SRD5A2: variants seen among roughly 807,000 people sequenced by gnomAD.
SRD5A2 encodes the protein 3-oxo-5-alpha-steroid 4-dehydrogenase 2.
SRD5A2 carries 30 observed loss-of-function variants against 27.4 expected under a neutral mutation model. The ratio of observed to expected loss-of-function variants is 1.10; its 90% CI spans 0.82 to 1.49. The LOEUF (loss-of-function observed/expected upper bound fraction) is 1.49. Among genes scored for constraint, SRD5A2 ranks in the 40% most tolerant of loss-of-function variants. SRD5A2 has a pLI of 0.00. For missense variants in SRD5A2, 348 were observed against 323.4 expected (o/e 1.08, Z -0.58); for synonymous variants, 141 against 133.6 (o/e 1.06, Z -0.38).
intron 1 of SRD5A2, among the ~76,000 whole-genome samples, chr2:31,544,029 C>A (rs1406759827): frequency 2.0e-5 from 3 of 151,884 alleles, no homozygotes; most frequent in Non-Finnish European, 2.9e-5. Flanking sequence ...GAAAAAAGAG[C>A]AGATGTGGCT....
chr2:31,583,112 A>G (rs1266613699), upstream of SRD5A2, among the ~76,000 whole-genome samples: 1 of 152,216 alleles, frequency 6.6e-6, no homozygotes, highest in Non-Finnish European at 1.5e-5. Flanking sequence ...GGCTTGACTT[A>G]TCTTAACAAT....
chr2:31,555,990 A>G lies in SRD5A2; in HGVS notation c.282-22224T>C, dbSNP rs551129390. ...CCATCATTGGTGAGATTTTGGGTAC[A>G]CATTTTAGCACAAAATAGAGTTTCT... On this transcript the variant is annotated intron_variant, in intron 1 of 4. Coordinates refer to ENST00000622030, the MANE Select transcript of SRD5A2 (RefSeq NM_000348.4). Among the ~76,000 whole-genome samples the G allele has an allele frequency of 2.5e-3, 385 of 152,334 alleles. 2 individuals carry two copies. The highest frequency in any genetic ancestry group is 0.016 in the South Asian group (79 of 4,830).
the SRD5A2 span, among the ~76,000 whole-genome samples, chr2:31,597,483 C>T: frequency 6.6e-6 from 1 of 151,944 alleles, no homozygotes; most frequent in Non-Finnish European, 1.5e-5. Context: ...AAAGCTTCTG[C>T]ATAGCAAAAG....
chr2:31,638,695 T>C, the SRD5A2 span, among the ~76,000 whole-genome samples: 1 of 152,062 alleles, frequency 6.6e-6, no homozygotes, highest in East Asian at 1.9e-4. Flanking sequence ...TCTTTTTTTA[T>C]AGTCTCTGAT....
the SRD5A2 span, among the ~76,000 whole-genome samples, chr2:31,653,568 T>C: frequency 6.6e-6 from 1 of 152,168 alleles, no homozygotes; most frequent in Non-Finnish European, 1.5e-5. Flanking sequence ...AAATTTCTGG[T>C]ATGAACATAG....
At chr2:31,603,996 C>A in the SRD5A2 span, among the ~76,000 whole-genome samples, 1 of 151,774 alleles carries the variant, frequency 6.6e-6, no homozygotes, top group Non-Finnish European at 1.5e-5. Flanking sequence ...CACCATGACA[C>A]ACATTTATCT....
In SRD5A2 at chr2:31,560,009, C is replaced by T. The variant is rs558555469; in HGVS notation, c.281+20611G>A. Among the ~76,000 whole-genome samples, 83 of 151,066 alleles carry T rather than the reference C, an allele frequency of 5.5e-4. 1 individual carries two copies. Among genetic ancestry groups the T allele is most frequent in the South Asian group, 1.7e-3 (8 of 4,758 alleles). On this transcript the variant is annotated intron_variant, in intron 1 of 4. Transcript: ENST00000622030. ...AGGTACCTATAGAACTTTATCATCA[C>T]TTTTTAAAAAATTGTACGTTCCCAC...
chr2:31,549,361 CT>C (rs1432649687), intron 1 of SRD5A2, among the ~76,000 whole-genome samples: 1 of 151,820 alleles, frequency 6.6e-6, no homozygotes, highest in African/African-American at 2.4e-5. Flanking sequence ...GTCCACCCGC[CT>C]CGGCCTTCCA....
intron 1 of SRD5A2, among the ~76,000 whole-genome samples, chr2:31,548,820 G>A (rs1666317044): frequency 6.6e-6 from 1 of 152,124 alleles, no homozygotes; most frequent in Non-Finnish European, 1.5e-5. Flanking sequence ...TAGCTAAAAT[G>A]TGGAAGCAAT....
At chr2:31,639,508 T>C in the SRD5A2 span, among the ~76,000 whole-genome samples, 3,987 of 152,216 alleles carry the variant, frequency 0.026, 62 homozygotes, top group South Asian at 0.049. Flanking sequence ...CTCCCTTTAG[T>C]ATTTTTTTAT....
At chr2:31,546,371 C>T (rs1430422216) in intron 1 of SRD5A2, among the ~76,000 whole-genome samples, 2 of 152,036 alleles carry the variant, frequency 1.3e-5, no homozygotes, top group Admixed American at 1.3e-4. Flanking sequence ...CCTATAAAGA[C>T]AAAGACATGC....
At chr2:31,620,653 A>G in the SRD5A2 span, among the ~76,000 whole-genome samples, 19 of 152,084 alleles carry the variant, frequency 1.2e-4, no homozygotes, top group African/African-American at 4.3e-4. Flanking sequence ...ACGTTAGTGT[A>G]TACTTAGTAT....
chr2:31,558,426 CT>C (rs1666545623), intron 1 of SRD5A2, among the ~76,000 whole-genome samples: 1 of 152,208 alleles, frequency 6.6e-6, no homozygotes, highest in Non-Finnish European at 1.5e-5. Context: ...CATGCTTCCT[CT>C]AAAGGCTCTA....
At chr2:31,630,574 C>T in the SRD5A2 span, among the ~76,000 whole-genome samples, 10 of 152,146 alleles carry the variant, frequency 6.6e-5, no homozygotes, top group Non-Finnish European at 1.5e-4. Context: ...CCCAGGAACC[C>T]ACGGATGGCC....
chr2:31,541,004 A>T (rs1427771462), intron 1 of SRD5A2, among the ~76,000 whole-genome samples: 1 of 152,192 alleles, frequency 6.6e-6, no homozygotes, highest in Non-Finnish European at 1.5e-5. Flanking sequence ...AATGACTTCC[A>T]GAGATTTAAA....
At chr2:31,623,829 T>C in the SRD5A2 span, among the ~76,000 whole-genome samples, 2 of 152,166 alleles carry the variant, frequency 1.3e-5, no homozygotes, top group African/African-American at 2.4e-5. Flanking sequence ...TTGAATTTTA[T>C]TGAAGCCCTT....
chr2:31,528,463 G>A (rs1330900797), intron 4 of SRD5A2, among the ~76,000 whole-genome samples: 1 of 152,166 alleles, frequency 6.6e-6, no homozygotes, highest in African/African-American at 2.4e-5. Flanking sequence ...TCTCTAGCCT[G>A]CTGTGCCTCA....
chr2:31,568,529 C>T (rs1156844156), intron 1 of SRD5A2, among the ~76,000 whole-genome samples: 2 of 152,154 alleles, frequency 1.3e-5, no homozygotes, highest in East Asian at 1.9e-4. Context: ...GAAGGGCGTG[C>T]TGATTGGTCC....
chr2:31,582,908 T>A (rs917138768), upstream of SRD5A2, among the ~76,000 whole-genome samples: 4 of 141,758 alleles, frequency 2.8e-5, no homozygotes, highest in African/African-American at 1.0e-4. Flanking sequence ...GTGCACTATT[T>A]CAAACCCAGC....
Sources: allele counts gnomAD v4.1 joint callset (sites outside exome capture counted in the v4.1 genomes callset), GRCh38; gene constraint gnomAD v4.1.1; transcripts MANE v1.5; gene names NCBI Gene and HGNC (gene_info 2026-07-23, HGNC 2026-07-21).